PRKDC: variants seen among roughly 807,000 people sequenced by gnomAD.
The protein encoded by PRKDC is DNA-dependent protein kinase catalytic subunit.
In PRKDC, 82 loss-of-function variants were observed where a neutral mutation model predicts 486.9. The observed-to-expected ratio is 0.17, with a 90% CI of 0.14 to 0.20. The LOEUF is 0.20. Among genes scored for constraint, PRKDC ranks in the 10% least tolerant of loss-of-function variants. The pLI is 1.00. For missense variants in PRKDC, 4,504 were observed against 5,038.2 expected, an observed-to-expected ratio of 0.89 and a Z score of 3.21; for synonymous variants, 1,895 against 1,837.0, an observed-to-expected ratio of 1.03 and a Z score of -0.81.
At chr8:47,817,654 C>G (rs1235117575) in intron 67 of PRKDC, 93 bp from the exon 68 acceptor site, 4 of 777,354 alleles carry the variant, frequency 5.1e-6, no homozygotes, top group Non-Finnish European at 8.0e-6. Flanking sequence ...ATTCAAACTT[C>G]CTGCCCAAAT....
At chr8:47,866,689 T>G (rs942980475) in intron 40 of PRKDC, among the ~76,000 whole-genome samples, 1 of 152,210 alleles carries the variant, frequency 6.6e-6, no homozygotes, top group Non-Finnish European at 1.5e-5. Context: ...TTCACAATGT[T>G]GGCCAGACAG....
chr8:47,953,751 C>T (rs766761319), intron 6 of PRKDC, 32 bp from the exon 7 acceptor site: 1 of 1,589,700 alleles, frequency 6.3e-7, no homozygotes, highest in Middle Eastern at 1.7e-4. Flanking sequence ...GATGTCATTA[C>T]AAGAGAAAAA....
intron 1 of PRKDC, among the ~76,000 whole-genome samples, chr8:47,958,812 T>G (rs2090757768): frequency 6.6e-6 from 1 of 151,260 alleles, no homozygotes; most frequent in Non-Finnish European, 1.5e-5. Context: ...CTCGGCTCAC[T>G]GCAATCTCCT....
chr8:47,950,122 A>G (rs891507877), intron 7 of PRKDC, among the ~76,000 whole-genome samples: 2 of 152,016 alleles, frequency 1.3e-5, no homozygotes, highest in East Asian at 3.9e-4. Flanking sequence ...AAATACAAAA[A>G]TCCGCTGAGC....
At chr8:47,803,250 C>T in intron 70 of PRKDC, 56 bp downstream of exon 70, 11 of 1,495,606 alleles carry the variant, frequency 7.4e-6, no homozygotes, top group Non-Finnish European at 9.9e-6. Context: ...GGAAGATACA[C>T]AAGACAATAT....
intron 25 of PRKDC, among the ~76,000 whole-genome samples, chr8:47,911,716 G>T (rs1397903297): frequency 6.6e-6 from 1 of 151,934 alleles, no homozygotes; most frequent in Non-Finnish European, 1.5e-5. Flanking sequence ...TGAAGGATTT[G>T]TCCATAAAGT....
intron 7 of PRKDC, among the ~76,000 whole-genome samples, chr8:47,950,404 T>A (rs1296611871): frequency 6.6e-6 from 1 of 151,806 alleles, no homozygotes; most frequent in Non-Finnish European, 1.5e-5. Context: ...GCCGGGCAGA[T>A]CACGAGGTGA....
intron 59 of PRKDC, 147 bp from the exon 60 acceptor site, chr8:47,832,073 G>T: frequency 1.5e-6 from 1 of 677,754 alleles, no homozygotes; most frequent in Non-Finnish European, 2.6e-6. Context: ...GGCCACAGCT[G>T]CAACTGGAAC....
intron 68 of PRKDC, among the ~76,000 whole-genome samples, chr8:47,814,181 T>C (rs577648203): frequency 6.6e-5 from 10 of 152,354 alleles, no homozygotes; most frequent in African/African-American, 2.2e-4. Flanking sequence ...CATTCATTCA[T>C]GATAAAACAA....
At chr8:47,953,510 A>T in intron 7 of PRKDC, 110 bp downstream of exon 7, 3 of 1,070,904 alleles carry the variant, frequency 2.8e-6, no homozygotes, top group South Asian at 1.4e-5. Flanking sequence ...ATTATTTCTC[A>T]CTACTGTATG....
chr8:47,856,838 G>A (rs2088552795), intron 49 of PRKDC, among the ~76,000 whole-genome samples: 1 of 152,216 alleles, frequency 6.6e-6, no homozygotes, highest in South Asian at 2.1e-4. Flanking sequence ...TTCAGGGTTG[G>A]TTGAAATTCA....
Position 47,914,027 on chromosome 8 carries a change from G to A in PRKDC, c.2655C>T (p.Ala885=). ...AGCTCAGCCGCTTCTCTCTGTCCCA[G>A]GCCACATAGCTCTTCATCATCTCAT... The part of the protein sequence containing the change: ...SSDEMMKSYV[A]WDREKRLSFA... The change falls in exon 24 of 86, where the codon GCC becomes GCT. Residue 885 remains alanine, a synonymous_variant. Transcript: ENST00000314191. The A allele has an allele frequency of 6.3e-7, 1 of 1,589,628 alleles. No individual in the cohort carries two copies. Among genetic ancestry groups the A allele is most frequent in the Non-Finnish European group, 8.6e-7 (1 of 1,168,638 alleles).
intron 80 of PRKDC, 98 bp from the exon 81 acceptor site, chr8:47,779,191 G>A (rs1011800667): frequency 4.7e-6 from 4 of 845,612 alleles, no homozygotes; most frequent in African/African-American, 3.5e-5. Context: ...AAATAGCAAA[G>A]AGGCAGGAAA....
chr8:47,799,172 G>A (rs775826598), intron 72 of PRKDC, 38 bp downstream of exon 72: 1 of 1,609,676 alleles, frequency 6.2e-7, no homozygotes, highest in Admixed American at 1.7e-5. Context: ...ACTTTATGCT[G>A]ACATAATGGA....
At chr8:47,933,255 GATGT>G in intron 15 of PRKDC, 83 bp from the exon 16 acceptor site, 1 of 1,082,400 alleles carries the variant, frequency 9.2e-7, no homozygotes, top group South Asian at 2.2e-5. Flanking sequence ...CACATACACA[GATGT>G]ATGTGCCGGT....
chr8:47,830,123 T>TAGGAAA (rs1318187080), intron 61 of PRKDC, among the ~76,000 whole-genome samples: 1 of 152,086 alleles, frequency 6.6e-6, no homozygotes, highest in Non-Finnish European at 1.5e-5. Flanking sequence ...AAATGTGGTT[T>TAGGAAA]AGGAAAAAAG....
intron 60 of PRKDC, among the ~76,000 whole-genome samples, chr8:47,831,100 C>T (rs1053834777): frequency 1.3e-5 from 2 of 152,236 alleles, no homozygotes; most frequent in African/African-American, 4.8e-5. Flanking sequence ...TGCCCTCCGG[C>T]TGCCTCTGCT....
At chr8:47,812,804 C>T (rs1373983816) in intron 68 of PRKDC, among the ~76,000 whole-genome samples, 2 of 151,840 alleles carry the variant, frequency 1.3e-5, no homozygotes, top group Non-Finnish European at 2.9e-5. Flanking sequence ...AAAAACTGAT[C>T]CTTTGAAAAA....
Position 47,918,313 on chromosome 8 carries a change from C to T in PRKDC, c.2490G>A (p.Val830=), listed in dbSNP as rs1351538289. 2 of 1,593,016 alleles carry T rather than the reference C, an allele frequency of 1.3e-6. No homozygotes were observed. ...RAAQKGFNKV[V]LKHLKKTKNL... is the part of the protein sequence containing the mutation. ...TCTTTGTCTTCTTCAGATGCTTTAA[C>T]ACCACTTTATTAAATCCTTTCTGGG... The change falls in exon 22 of 86, where the codon GTG becomes GTA. Residue 830 remains valine (V), a synonymous_variant. Transcript: ENST00000314191.
Sources: gnomAD v4.1 joint callset for allele counts (sites outside exome capture counted in the v4.1 genomes callset) on GRCh38, gnomAD v4.1.1 for gene constraint, MANE v1.5 for transcripts, NCBI Gene and HGNC (gene_info 2026-07-23, HGNC 2026-07-21) for gene names.